UBAP1: variants seen among roughly 807,000 people sequenced by gnomAD.
UBAP1 encodes the protein ubiquitin associated protein 1.
Under a neutral mutation model 39.0 loss-of-function variants are expected in UBAP1, and 5 were observed. The observed-to-expected ratio is 0.13, with a 90% CI of 0.07 to 0.27. The LOEUF (loss-of-function observed/expected upper bound fraction) is 0.27. Among genes scored for constraint, UBAP1 ranks in the 10% least tolerant of loss-of-function variants. The probability of loss-of-function intolerance (pLI) is 1.00; values close to 1 mark genes in which losing one functional copy is unlikely to be tolerated. For missense variants in UBAP1, 490 were observed against 608.1 expected, an observed-to-expected ratio of 0.81 and a Z score of 2.04; for synonymous variants, 211 against 225.1, an observed-to-expected ratio of 0.94 and a Z score of 0.56.
Position 34,249,870 on chromosome 9 carries a change from A to G in UBAP1, c.1175A>G (p.Glu392Gly), listed in dbSNP as rs1458851856. The change falls in exon 5 of 7, where the codon GAG becomes GGG. Residue 392 changes from glutamate to glycine, a missense_variant. Transcript: ENST00000297661. ...GAACTGCAGATGCTGTCCCCCAGCG[A>G]GCGGCAGTGTGTGGAGACGGTGGTC... Reference protein sequence around the residue: ...YSELQMLSPSERQCVETVVNM... With the variant: ...YSELQMLSPSGRQCVETVVNM... The G allele has an allele frequency of 3.1e-6, 5 of 1,614,194 alleles. No individual in the cohort carries two copies. The highest frequency in any genetic ancestry group is 3.4e-6 in the Non-Finnish European group (4 of 1,180,038).
At chr9:34,180,877 C>G (rs1587767407) in intron 1 of UBAP1, among the ~76,000 whole-genome samples, 1 of 150,770 alleles carries the variant, frequency 6.6e-6, no homozygotes, top group Non-Finnish European at 1.5e-5. Flanking sequence ...GTGGCGCGAT[C>G]TTGGCTTGCT....
At chr9:34,182,671 CTT>C (rs67232930) in intron 1 of UBAP1, among the ~76,000 whole-genome samples, 4,607 of 87,870 alleles carry the variant, frequency 0.052, 208 homozygotes, top group East Asian at 0.12. Context: ...TTCTTTCTTT[CTT>C]TCTTTCTTTC....
At chr9:34,212,816 C>T (rs966312794) in intron 1 of UBAP1, among the ~76,000 whole-genome samples, 1 of 152,106 alleles carries the variant, frequency 6.6e-6, no homozygotes, top group African/African-American at 2.4e-5. Context: ...GACACTATTC[C>T]ACAAGATAAA....
intron 1 of UBAP1, among the ~76,000 whole-genome samples, chr9:34,218,293 A>AAAAAAAAAAAAAC (rs1832458859): frequency 8.7e-6 from 1 of 115,274 alleles, no homozygotes; most frequent in African/African-American, 3.2e-5. Flanking sequence ...AAAAAAAAAA[A>AAAAAAAAAAAAAC]AGCCAAGCAC....
chr9:34,225,804 A>G (rs1833018725), intron 2 of UBAP1, among the ~76,000 whole-genome samples: 1 of 151,620 alleles, frequency 6.6e-6, no homozygotes, highest in African/African-American at 2.4e-5. Flanking sequence ...AAGAAAAGAA[A>G]AAAGAAATCT....
chr9:34,243,288 A>G (rs1209121665), intron 4 of UBAP1, among the ~76,000 whole-genome samples: 1 of 152,226 alleles, frequency 6.6e-6, no homozygotes, highest in Non-Finnish European at 1.5e-5. Context: ...TTAACCATTT[A>G]GAGATCAAAG....
intron 2 of UBAP1, among the ~76,000 whole-genome samples, chr9:34,231,087 A>G (rs1833380740): frequency 6.7e-6 from 1 of 149,282 alleles, no homozygotes; most frequent in African/African-American, 2.5e-5. Flanking sequence ...TGATAGCACC[A>G]CTGCACTCCA....
intron 1 of UBAP1, among the ~76,000 whole-genome samples, chr9:34,190,848 A>G (rs1471153049): frequency 7.4e-6 from 1 of 135,842 alleles, no homozygotes; most frequent in Admixed American, 8.2e-5. Context: ...GGGTTTCATC[A>G]TGTTGCACAG....
chr9:34,183,762 T>C (rs977816417), intron 1 of UBAP1, among the ~76,000 whole-genome samples: 2 of 151,412 alleles, frequency 1.3e-5, no homozygotes, highest in African/African-American at 4.8e-5. Context: ...TTCTTTTTTT[T>C]TGTTTGTTTT....
chr9:34,201,734 C>T (rs1048346391), intron 1 of UBAP1, among the ~76,000 whole-genome samples: 6 of 152,060 alleles, frequency 3.9e-5, no homozygotes, highest in African/African-American at 9.7e-5. Context: ...AGTTCAATGC[C>T]GACACTGTCT....
At chr9:34,222,094 C>A (rs1322862452) in intron 2 of UBAP1, among the ~76,000 whole-genome samples, 1 of 152,080 alleles carries the variant, frequency 6.6e-6, no homozygotes, top group East Asian at 1.9e-4. Flanking sequence ...TGCACTCCAG[C>A]CTGGGTGACA....
At chr9:34,249,269 G>A (rs1341599849) in intron 4 of UBAP1, among the ~76,000 whole-genome samples, 1 of 152,206 alleles carries the variant, frequency 6.6e-6, no homozygotes, top group African/African-American at 2.4e-5. Flanking sequence ...GTCCATGCAT[G>A]GGAACCACAC....
chr9:34,187,830 T>TA (rs1039835295), intron 1 of UBAP1, among the ~76,000 whole-genome samples: 53 of 145,830 alleles, frequency 3.6e-4, no homozygotes, highest in South Asian at 8.7e-4. Context: ...TTGCTTTTTT[T>TA]AAAAAAAAAA....
chr9:34,228,499 C>T (rs1416434581), intron 2 of UBAP1, among the ~76,000 whole-genome samples: 1 of 150,932 alleles, frequency 6.6e-6, no homozygotes, highest in African/African-American at 2.4e-5. Flanking sequence ...TTTTGTAATT[C>T]TCACAGCACC....
intron 1 of UBAP1, among the ~76,000 whole-genome samples, chr9:34,205,731 T>C (rs1304946138): frequency 6.6e-6 from 1 of 152,174 alleles, no homozygotes; most frequent in African/African-American, 2.4e-5. Flanking sequence ...TGGTGGCTCA[T>C]GTCTGTAATC....
rs111356759 is a variant in UBAP1 at position 34,202,627 on chromosome 9, G to C, written c.-7-18281G>C. 3.3e-3 allele frequency among the ~76,000 whole-genome samples: 170 copies of C among 52,006 alleles called. 11 individuals carry two copies. The highest frequency in any genetic ancestry group is 7.7e-3 in the Admixed American group (38 of 4,930). 34.1% of individuals were successfully genotyped at this position (52,006 alleles called of 152,430 possible). ...GGCCAGAAGCTGTAGACAGAAACGT[G>C]TGTGTGTGTGTGTGTGTGTGTGTGT... On this transcript the variant is annotated intron_variant, in intron 1 of 6. Transcript: ENST00000297661.
intron 4 of UBAP1, among the ~76,000 whole-genome samples, chr9:34,246,114 C>CA (rs1834165666): frequency 6.6e-6 from 1 of 151,932 alleles, no homozygotes; most frequent in African/African-American, 2.4e-5. Flanking sequence ...TTTTTTGAGA[C>CA]AGGGTCTTGC....
At chr9:34,202,624 C>CCTGTGT (rs1491103579) in intron 1 of UBAP1, among the ~76,000 whole-genome samples, 1,588 of 107,202 alleles carry the variant, frequency 0.015, 164 homozygotes, top group East Asian at 0.033. Context: ...TAGACAGAAA[C>CCTGTGT]GTGTGTGTGT....
At position 34,251,739 on chromosome 9, in the gene UBAP1, C is replaced by G. The variant is rs1834547404; in HGVS notation, c.*207C>G. 1 of 586,012 alleles carries G rather than the reference C, an allele frequency of 1.7e-6. No individual in the cohort carries two copies. Among genetic ancestry groups the G allele is most frequent in the African/African-American group, 1.9e-5 (1 of 53,844 alleles). The allele number at this position is 586,012 out of a possible 1,614,324, so 36.3% of individuals were successfully genotyped here. ...TTCGGGCATGTGAGTGCCCCCAGAA[C>G]TGTCCTGGCTCCTTCCGTATTAAAC... is the stretch of plus-strand genomic sequence containing the variant. On this transcript the variant is annotated 3_prime_UTR_variant, in exon 7 of 7. Coordinates refer to ENST00000297661, the MANE Select transcript of UBAP1 (RefSeq NM_016525.5).
Sources: gnomAD v4.1 joint callset for allele counts (sites outside exome capture counted in the v4.1 genomes callset) on GRCh38, gnomAD v4.1.1 for gene constraint, MANE v1.5 for transcripts, NCBI Gene and HGNC (gene_info 2026-07-23, HGNC 2026-07-21) for gene names.